The following GRIP2 variants were observed in gnomAD, a reference collection of about 807,000 sequenced individuals.
GRIP2 encodes glutamate receptor-interacting protein 2.
GRIP2 carries 58 observed loss-of-function variants against 108.3 expected under a neutral mutation model. That is an observed-to-expected ratio of 0.54 (90% confidence interval 0.43 to 0.67). GRIP2 has a LOEUF of 0.67. Among genes scored for constraint, GRIP2 ranks in the 30% least tolerant of loss-of-function variants. The pLI is 0.00. For missense variants in GRIP2, 1,278 were observed against 1,430.6 expected (o/e 0.89, Z 1.72); for synonymous variants, 586 against 598.2 (o/e 0.98, Z 0.30).
Position 14,489,566 on chromosome 3 carries a change from C to T in GRIP2, c.*4099G>A, listed in dbSNP as rs946092151. The T allele has an allele frequency of 1.3e-5, 2 of 152,268 alleles. No individual in the cohort carries two copies. The highest frequency in any genetic ancestry group is 4.8e-5 in the African/African-American group (2 of 41,446). 9.4% of individuals were successfully genotyped at this position (152,268 alleles called of 1,614,324 possible). A position where few individuals can be genotyped will look rare whatever the true frequency, so the allele number is the denominator to read the frequency against. Reference sequence around the variant, plus strand: ...AAAGAACCTGGATTCGCACCCGGGCCCATGAGCTCTTGGCTCTACTGGCTC... The same window carrying T: ...AAAGAACCTGGATTCGCACCCGGGCTCATGAGCTCTTGGCTCTACTGGCTC... On this transcript the variant is annotated 3_prime_UTR_variant, in exon 24 of 24. Transcript: ENST00000621039.
Position 14,494,813 on chromosome 3 carries a change from C to T in GRIP2, c.2970+30G>A, listed in dbSNP as rs1397199545. Reference sequence around the variant, plus strand: ...CCTCAGGCTAGGAAACAATGCCACCCCCACTATGGAGCCCCTGCCCCAGCA... The same window carrying T: ...CCTCAGGCTAGGAAACAATGCCACCTCCACTATGGAGCCCCTGCCCCAGCA... On this transcript the variant is annotated intron_variant, in intron 23 of 23. Transcript: ENST00000621039. 4 of 1,598,996 alleles carry T rather than the reference C, an allele frequency of 2.5e-6. No individual in the cohort carries two copies. The Admixed American group carries it at 5.1e-5, about 21-fold the overall frequency.
At chr3:14,514,699 C>G (rs1694201867) in intron 11 of GRIP2, among the ~76,000 whole-genome samples, 1 of 152,180 alleles carries the variant, frequency 6.6e-6, no homozygotes, top group Non-Finnish European at 1.5e-5. Context: ...GTGGCAAGGA[C>G]TAGGGAAGAC....
At chr3:14,580,919 T>G in the GRIP2 span, among the ~76,000 whole-genome samples, 1 of 152,232 alleles carries the variant, frequency 6.6e-6, no homozygotes, top group African/African-American at 2.4e-5. Flanking sequence ...ATTGAGATTC[T>G]CTAAAGAGGA....
chr3:14,523,564 TAG>T (rs1329080754), intron 5 of GRIP2, 46 bp downstream of exon 5: 1 of 1,181,420 alleles, frequency 8.5e-7, no homozygotes, highest in South Asian at 1.3e-5. Flanking sequence ...GAATTAGTAT[TAG>T]CCTCTTTCTT....
At chr3:14,560,145 T>G (rs1332445124), upstream of GRIP2, among the ~76,000 whole-genome samples, 1 of 151,956 alleles carries the variant, frequency 6.6e-6, no homozygotes, top group East Asian at 1.9e-4. Flanking sequence ...TCCCAGCTAC[T>G]CACGAGGCTG....
intron 20 of GRIP2, 104 bp from the exon 21 acceptor site, chr3:14,503,775 GCCATAGGGTGGGT>G: frequency 3.3e-6 from 1 of 305,310 alleles, no homozygotes; most frequent in Non-Finnish European, 6.4e-6. Flanking sequence ...GGCTCGAGGG[GCCATAGGGTGGGT>G]GGGCGGGCAG....
the GRIP2 span, among the ~76,000 whole-genome samples, chr3:14,597,380 T>C: frequency 6.6e-6 from 1 of 152,164 alleles, no homozygotes; most frequent in East Asian, 1.9e-4. Flanking sequence ...GGCTCATGCA[T>C]GGCATGCTAA....
chr3:14,566,557 C>T, the GRIP2 span, among the ~76,000 whole-genome samples: 1 of 152,340 alleles, frequency 6.6e-6, no homozygotes, highest in Non-Finnish European at 1.5e-5. Context: ...AGCCAAACCA[C>T]AGGTTATCAG....
chr3:14,597,361 G>A, the GRIP2 span, among the ~76,000 whole-genome samples: 7 of 152,182 alleles, frequency 4.6e-5, no homozygotes, highest in African/African-American at 1.7e-4. Context: ...GCAGGGAAGA[G>A]GCAGAGAAGG....
At chr3:14,510,806 A>G (rs926942925) in intron 16 of GRIP2, among the ~76,000 whole-genome samples, 1 of 151,986 alleles carries the variant, frequency 6.6e-6, no homozygotes, top group Non-Finnish European at 1.5e-5. Context: ...TTATCCACTC[A>G]TAGCCTGCCA....
chr3:14,515,615 G>A (rs1036869393), intron 11 of GRIP2, among the ~76,000 whole-genome samples: 2 of 151,624 alleles, frequency 1.3e-5, no homozygotes, highest in African/African-American at 4.8e-5. Context: ...TATGTTTTTA[G>A]GTATATTGTG....
At chr3:14,532,840 A>G (rs1483813881) in intron 1 of GRIP2, among the ~76,000 whole-genome samples, 1 of 151,822 alleles carries the variant, frequency 6.6e-6, no homozygotes, top group Non-Finnish European at 1.5e-5. Flanking sequence ...GATACTGCTG[A>G]GTTGAGGGCG....
chr3:14,599,516 T>C, the GRIP2 span, among the ~76,000 whole-genome samples: 7 of 151,768 alleles, frequency 4.6e-5, no homozygotes, highest in African/African-American at 1.7e-4. Context: ...TGGGGGCAAC[T>C]TGAGGCTAAG....
intron 21 of GRIP2, among the ~76,000 whole-genome samples, chr3:14,501,487 T>G (rs934670232): frequency 6.6e-6 from 1 of 152,162 alleles, no homozygotes; most frequent in African/African-American, 2.4e-5. Context: ...ACAAAACAGG[T>G]GTAAAGGACA....
Position 14,509,983 on chromosome 3 carries a change from A to C in GRIP2, c.1934-19T>G. 1 of 1,458,018 alleles carries C rather than the reference A, an allele frequency of 6.9e-7. No homozygotes were observed. The highest frequency in any genetic ancestry group is 9.1e-7 in the Non-Finnish European group (1 of 1,096,184). 90.3% of individuals were successfully genotyped at this position (1,458,018 alleles called of 1,614,324 possible). On this transcript the variant is annotated intron_variant, in intron 16 of 23. Coordinates refer to ENST00000621039, the MANE Select transcript of GRIP2 (RefSeq NM_001080423.4). ...AGCTCATCTGCAAGCACGGGGACCC[A>C]TGAGGAGGAGGCCCCCGAGGGGGTA...
chr3:14,555,260 T>G (rs1484203357), intron 1 of GRIP2, among the ~76,000 whole-genome samples: 1 of 150,666 alleles, frequency 6.6e-6, no homozygotes, highest in African/African-American at 2.4e-5. Flanking sequence ...AGCCCCTCGC[T>G]CCCTCCCACC....
the GRIP2 span, chr3:14,573,132 C>T: frequency 7.0e-7 from 1 of 1,434,384 alleles, no homozygotes; most frequent in Non-Finnish European, 9.8e-7. Flanking sequence ...GGGCAGCAGC[C>T]CAAAGGTGCA....
At chr3:14,572,301 C>A in the GRIP2 span, among the ~76,000 whole-genome samples, 2 of 151,880 alleles carry the variant, frequency 1.3e-5, no homozygotes, top group African/African-American at 2.4e-5. Flanking sequence ...CATTTACTGG[C>A]CACATGAGGT....
chr3:14,519,886 C>T (rs1694355702), intron 9 of GRIP2, among the ~76,000 whole-genome samples: 1 of 145,164 alleles, frequency 6.9e-6, no homozygotes, highest in African/African-American at 2.6e-5. Flanking sequence ...AGCTTTGGGG[C>T]ATCTATGCCA....
Sources: gnomAD v4.1 joint callset for allele counts (sites outside exome capture counted in the v4.1 genomes callset) on GRCh38, gnomAD v4.1.1 for gene constraint, MANE v1.5 for transcripts, NCBI Gene and HGNC (gene_info 2026-07-23, HGNC 2026-07-21) for gene names.